Variants in MTMR7 observed in about 807,000 individuals in gnomAD.
MTMR7 encodes phosphatidylinositol-3-phosphate phosphatase MTMR7.
In MTMR7, 76 loss-of-function variants were observed where a neutral mutation model predicts 81.2. The ratio of observed to expected loss-of-function variants is 0.94; its 90% confidence interval spans 0.78 to 1.13. The LOEUF is 1.13. Ranked by LOEUF, MTMR7 falls within the 50% of genes most tolerant of loss-of-function variation. The probability of loss-of-function intolerance (pLI) is 0.00; values close to 1 mark genes in which losing one functional copy is unlikely to be tolerated. For synonymous variants in MTMR7, 372 were observed against 289.8 expected, an observed-to-expected ratio of 1.28 and a Z score of -2.88; for missense variants, 1,044 against 820.0, an observed-to-expected ratio of 1.27 and a Z score of -3.34.
chr8:17,366,635 C>A (rs1417528760), intron 3 of MTMR7, among the ~76,000 whole-genome samples: 2 of 151,968 alleles, frequency 1.3e-5, no homozygotes, highest in Admixed American at 1.3e-4. Context: ...GCCTGTAATC[C>A]CAGCACTTTG....
intron 7 of MTMR7, among the ~76,000 whole-genome samples, chr8:17,315,179 A>T (rs1488287117): frequency 1.3e-5 from 2 of 152,238 alleles, no homozygotes; most frequent in African/African-American, 4.8e-5. Flanking sequence ...GAGATGAGCT[A>T]TGAAAAGACA....
chr8:17,302,224 A>T lies in MTMR7; in HGVS notation c.1550T>A (p.Val517Asp). 6.2e-7 allele frequency: 1 copy of T among 1,614,080 alleles called. No individual in the cohort carries two copies. Among genetic ancestry groups the T allele is most frequent in the Non-Finnish European group, 8.5e-7 (1 of 1,179,978 alleles). ...CTTCACTGCCATTAGGTAATCTGTA[A>T]CTGACTGTCGGGGCTGCATCCCCTT... Reference protein sequence around the residue: ...FEKGMQPRQSVTDYLMAVKEE... With the variant: ...FEKGMQPRQSDTDYLMAVKEE... Residue 517 changes from valine to aspartate, a missense_variant, in exon 13 of 14, where the codon GTT becomes GAT. Physicochemically the swap from Val to Asp is radical, Grantham distance 152. Coordinates refer to ENST00000180173, the MANE Select transcript of MTMR7 (RefSeq NM_004686.5).
intron 1 of MTMR7, among the ~76,000 whole-genome samples, chr8:17,408,109 G>GCTCTTTGGCGAC (rs1195688168): frequency 5.4e-4 from 35 of 64,516 alleles, no homozygotes; most frequent in Admixed American, 1.1e-3. Context: ...ATCATGGAGA[G>GCTCTTTGGCGAC]GCCGGGCGCG....
intron 7 of MTMR7, among the ~76,000 whole-genome samples, chr8:17,317,985 C>T (rs1165397534): frequency 2.0e-5 from 3 of 151,898 alleles, no homozygotes; most frequent in Admixed American, 6.6e-5. Context: ...TTGTGTTTAA[C>T]TGGAACAGAA....
intron 4 of MTMR7, among the ~76,000 whole-genome samples, chr8:17,355,071 A>G (rs1819847681): frequency 6.6e-6 from 1 of 152,182 alleles, no homozygotes; most frequent in Admixed American, 6.5e-5. Context: ...TATATGAGTC[A>G]TGTTTATGCG....
At chr8:17,313,447 C>A in intron 7 of MTMR7, 46 bp from the exon 8 acceptor site, 2 of 1,212,202 alleles carry the variant, frequency 1.6e-6, no homozygotes, top group African/African-American at 1.5e-5. Flanking sequence ...GGTACTCTCT[C>A]ATTTTACATA....
intron 7 of MTMR7, among the ~76,000 whole-genome samples, chr8:17,316,860 G>T (rs567659305): frequency 6.6e-6 from 1 of 152,120 alleles, no homozygotes; most frequent in South Asian, 2.1e-4. Flanking sequence ...AGAATCTATG[G>T]GGGCTGGGGT....
At chr8:17,301,506 C>G (rs955900073) in intron 13 of MTMR7, 2 of 152,134 alleles carry the variant, frequency 1.3e-5, no homozygotes, top group Non-Finnish European at 2.9e-5. Flanking sequence ...GAAAATAAAG[C>G]TGAAAAGAGA....
rs1313436669 is a variant in MTMR7, at chr8:17,297,940, T to G, written c.*1922A>C. On this transcript the variant is annotated 3_prime_UTR_variant, in exon 14 of 14. Coordinates refer to ENST00000180173, the MANE Select transcript of MTMR7 (RefSeq NM_004686.5). Reference sequence around the variant, plus strand: ...AAAGTTTATGACTCTGATATGGAAGTTGTCATATTAAAAAACTACATTTTA... The same window carrying G: ...AAAGTTTATGACTCTGATATGGAAGGTGTCATATTAAAAAACTACATTTTA... The G allele has an allele frequency of 2.0e-5, 3 of 152,220 alleles. No homozygotes were observed. Among genetic ancestry groups the G allele is most frequent in the Middle Eastern group, 3.4e-3 (1 of 294 alleles). The allele number at this position is 152,220 out of a possible 1,614,324, so 9.4% of individuals were successfully genotyped here.
Position 17,373,153 on chromosome 8 carries a change from C to G in MTMR7, c.112G>C (p.Val38Leu). ...TTTCTTGGGTCAGGTGAATTTTCCA[C>G]GAATATGACATGGGTAGCCGTCAAA... ...LYLTATHVIF[V>L]ENSPDPRKET... The change falls in exon 2 of 14, where the codon GTG (valine) becomes CTG (leucine). Residue 38 changes from valine (V) to leucine (L), a missense_variant. Coordinates refer to ENST00000180173, the MANE Select transcript of MTMR7 (RefSeq NM_004686.5). 1 of 1,613,638 alleles carries G rather than the reference C, an allele frequency of 6.2e-7. No homozygotes were observed.
At chr8:17,323,108 C>T (rs897133978) in intron 7 of MTMR7, among the ~76,000 whole-genome samples, 5 of 151,776 alleles carry the variant, frequency 3.3e-5, no homozygotes, top group African/African-American at 1.2e-4. Flanking sequence ...CCACCACGCC[C>T]AGCTAATTTT....
intron 5 of MTMR7, among the ~76,000 whole-genome samples, chr8:17,345,520 G>T (rs954600993): frequency 1.3e-5 from 2 of 152,232 alleles, no homozygotes; most frequent in East Asian, 3.8e-4. Flanking sequence ...ATATGTGACT[G>T]TTCATCTCAC....
At chr8:17,408,395 C>CAAAAAAAAAAAAAAAAAAAAAA (rs530240881) in intron 1 of MTMR7, among the ~76,000 whole-genome samples, 4 of 23,506 alleles carry the variant, frequency 1.7e-4, no homozygotes, top group African/African-American at 3.8e-4. Flanking sequence ...GACTCCGTCT[C>CAAAAAAAAAAAAAAAAAAAAAA]AAAAAAAAAA....
Position 17,296,861 on chromosome 8 carries a change from G to A in MTMR7, c.*3001C>T, listed in dbSNP as rs567849141. 6.6e-6 allele frequency: 1 copy of A among 152,040 alleles called. No individual in the cohort carries two copies. The highest frequency in any genetic ancestry group is 6.6e-5 in the Admixed American group (1 of 15,262). 9.4% of individuals were successfully genotyped at this position (152,040 alleles called of 1,614,324 possible). On this transcript the variant is annotated 3_prime_UTR_variant, in exon 14 of 14. Coordinates refer to ENST00000180173, the MANE Select transcript of MTMR7 (RefSeq NM_004686.5). ...CCAGTTTCATTCTATACCATTCATTGGATAACCTTGTTACAACCCAGTCAT... is the reference window on the plus strand; with the variant it reads ...CCAGTTTCATTCTATACCATTCATTAGATAACCTTGTTACAACCCAGTCAT...
chr8:17,379,439 A>G (rs1001290804), intron 1 of MTMR7, among the ~76,000 whole-genome samples: 1 of 152,168 alleles, frequency 6.6e-6, no homozygotes. Context: ...AGTGCTACCA[A>G]CCGGGGCATC....
At chr8:17,319,982 G>A (rs903538394) in intron 7 of MTMR7, among the ~76,000 whole-genome samples, 2 of 152,140 alleles carry the variant, frequency 1.3e-5, no homozygotes, top group African/African-American at 4.8e-5. Context: ...TAGATATGCT[G>A]TAAGTGTAAA....
At chr8:17,392,600 C>T (rs899641084) in intron 1 of MTMR7, among the ~76,000 whole-genome samples, 12 of 152,220 alleles carry the variant, frequency 7.9e-5, no homozygotes, top group African/African-American at 2.9e-4. Context: ...GCCTCATAGG[C>T]CACTGCAGAG....
chr8:17,326,250 G>A (rs1407221522), intron 7 of MTMR7: 1 of 152,152 alleles, frequency 6.6e-6, no homozygotes, highest in Non-Finnish European at 1.5e-5. Flanking sequence ...ATTTTGAGCT[G>A]AAACAGGTTT....
At chr8:17,410,678 C>G (rs1463681158) in intron 1 of MTMR7, among the ~76,000 whole-genome samples, 1 of 152,150 alleles carries the variant, frequency 6.6e-6, no homozygotes, top group Admixed American at 6.5e-5. Flanking sequence ...TACATGCACC[C>G]CTAGAAAGAA....
Sources: allele counts gnomAD v4.1 joint callset (sites outside exome capture counted in the v4.1 genomes callset), GRCh38; gene constraint gnomAD v4.1.1; transcripts MANE v1.5; gene names NCBI Gene and HGNC (gene_info 2026-07-23, HGNC 2026-07-21).